PACRGL: variants seen among roughly 807,000 people sequenced by gnomAD.
PACRGL encodes the protein parkin coregulated like, also known as PACRG-like protein.
Under a neutral mutation model 34.5 loss-of-function variants are expected in PACRGL, and 38 were observed. The observed-to-expected ratio is 1.10, with a 90% CI of 0.85 to 1.44. The LOEUF (loss-of-function observed/expected upper bound fraction) is 1.44, where lower values mean the gene tolerates loss of function less well. Among genes scored for constraint, PACRGL ranks in the 40% most tolerant of loss-of-function variants. The pLI, the probability that PACRGL is intolerant of heterozygous loss-of-function variation, is 0.00. For missense variants in PACRGL, 305 were observed against 281.4 expected, an observed-to-expected ratio of 1.08 and a Z score of -0.60; for synonymous variants, 128 against 100.1, an observed-to-expected ratio of 1.28 and a Z score of -1.66.
intron 6 of PACRGL, 45 bp from the exon 7 acceptor site, chr4:20,713,387 C>A: frequency 1.4e-6 from 2 of 1,446,694 alleles, no homozygotes; most frequent in Non-Finnish European, 1.9e-6. Context: ...CTTTTCTCCT[C>A]TCTTCCCTGA....
At chr4:20,726,686 G>T (rs926534303) in intron 8 of PACRGL, among the ~76,000 whole-genome samples, 1 of 152,034 alleles carries the variant, frequency 6.6e-6, no homozygotes, top group East Asian at 1.9e-4. Context: ...ATCAATGATG[G>T]AACTATTCAA....
intron 5 of PACRGL, 150 bp downstream of exon 5, chr4:20,709,923 T>C: frequency 1.7e-6 from 1 of 586,606 alleles, no homozygotes; most frequent in Non-Finnish European, 3.0e-6. Flanking sequence ...CCCTTAGGAA[T>C]GAATTATGAT....
intron 3 of PACRGL, among the ~76,000 whole-genome samples, chr4:20,707,224 C>A (rs1734910104): frequency 6.6e-6 from 1 of 152,112 alleles, no homozygotes. Context: ...TCCCTTAAAT[C>A]ATCTTTAAGA....
intron 8 of PACRGL, among the ~76,000 whole-genome samples, chr4:20,739,257 G>T (rs1385478919): frequency 6.6e-6 from 1 of 152,200 alleles, no homozygotes; most frequent in Non-Finnish European, 1.5e-5. Context: ...TGGAGTTTGA[G>T]ATCTGAGAAC....
intron 8 of PACRGL, among the ~76,000 whole-genome samples, chr4:20,739,681 C>T (rs567435060): frequency 6.6e-6 from 1 of 152,130 alleles, no homozygotes; most frequent in African/African-American, 2.4e-5. Context: ...ATCAGAGAAC[C>T]TCTTCTCCAA....
chr4:20,738,278 C>G (rs572667220), intron 8 of PACRGL, among the ~76,000 whole-genome samples: 62 of 152,200 alleles, frequency 4.1e-4, no homozygotes, highest in Non-Finnish European at 7.2e-4. Flanking sequence ...TTTAAAAATT[C>G]ACAGCGTAGT....
chr4:20,761,462 C>T, the PACRGL span, among the ~76,000 whole-genome samples: 2 of 152,176 alleles, frequency 1.3e-5, no homozygotes, highest in African/African-American at 2.4e-5. Context: ...AGACTAAACA[C>T]TTTGCAGTTA....
chr4:20,764,529 C>T, the PACRGL span, among the ~76,000 whole-genome samples: 1 of 152,102 alleles, frequency 6.6e-6, no homozygotes, highest in African/African-American at 2.4e-5. Context: ...GAAGGAGAAT[C>T]GTAAGACCAA....
intron 8 of PACRGL, among the ~76,000 whole-genome samples, chr4:20,727,012 C>G (rs948356275): frequency 6.6e-6 from 1 of 151,982 alleles, no homozygotes; most frequent in African/African-American, 2.4e-5. Flanking sequence ...AGTAATTAGT[C>G]CAGGTTTGAC....
intron 4 of PACRGL, among the ~76,000 whole-genome samples, chr4:20,709,144 AAAAG>A (rs1446063245): frequency 1.3e-5 from 2 of 152,128 alleles, no homozygotes; most frequent in African/African-American, 4.8e-5. Context: ...CGTCTCAAAA[AAAAG>A]CAGTTAAAAG....
chr4:20,711,130 C>T (rs1736976110), intron 5 of PACRGL, among the ~76,000 whole-genome samples: 1 of 151,746 alleles, frequency 6.6e-6, no homozygotes, highest in African/African-American at 2.4e-5. Context: ...TTTTTTAAAC[C>T]TTAAGCCTTT....
rs916827009 is a variant in PACRGL, at chr4:20,728,457, C to T, written c.*1116C>T. 2 of 152,172 alleles carry T rather than the reference C, an allele frequency of 1.3e-5. No individual in the cohort carries two copies. Among genetic ancestry groups the T allele is most frequent in the Non-Finnish European group, 2.9e-5 (2 of 68,028 alleles). The allele number at this position is 152,172 out of a possible 1,614,324, so 9.4% of individuals were successfully genotyped here. ...ATTTTGATGTAATAGAAGCAATTCC[C>T]TCTGGCTACAACAGCTGCCTGCCTG... On this transcript the variant is annotated 3_prime_UTR_variant, in exon 9 of 9. Transcript: ENST00000503585.
Position 20,729,471 on chromosome 4 carries a change from C to CATTTTTAAATGTTTAA in PACRGL, c.*2130_*2131insATTTTTAAATGTTTAA, listed in dbSNP as rs1553881566. 6.6e-6 allele frequency: 1 copy of CATTTTTAAATGTTTAA among 151,228 alleles called. No individual in the cohort carries two copies. The highest frequency in any genetic ancestry group is 1.5e-5 in the Non-Finnish European group (1 of 67,852). The allele number at this position is 151,228 out of a possible 1,614,324, so 9.4% of individuals were successfully genotyped here. A position where few individuals can be genotyped will look rare whatever the true frequency, so the allele number is the denominator to read the frequency against. On this transcript the variant is annotated 3_prime_UTR_variant, in exon 9 of 9. Coordinates refer to ENST00000503585, the MANE Select transcript of PACRGL (RefSeq NM_001258345.3). ...GCATATGCTGATATCTGATAATAAA[C>CATTTTTAAATGTTTAA]TAATTTTTAAATGTTTAATAATTTT...
the PACRGL span, among the ~76,000 whole-genome samples, chr4:20,757,939 T>A: frequency 6.6e-6 from 1 of 152,212 alleles, no homozygotes; most frequent in Non-Finnish European, 1.5e-5. Context: ...ATGCCAGCAC[T>A]GTGCTCTCAG....
intron 1 of PACRGL, chr4:20,702,313 T>G (rs1216819979): frequency 4.8e-6 from 2 of 416,904 alleles, no homozygotes; most frequent in Non-Finnish European, 9.7e-6. Context: ...TGTGCATCGC[T>G]TTTATCTGTT....
intron 8 of PACRGL, among the ~76,000 whole-genome samples, chr4:20,745,061 A>G (rs962762405): frequency 6.6e-6 from 1 of 152,170 alleles, no homozygotes; most frequent in Non-Finnish European, 1.5e-5. Flanking sequence ...GAATGGTAGG[A>G]CAGAGATGTG....
chr4:20,712,979 G>A, intron 6 of PACRGL, 57 bp downstream of exon 6: 3 of 1,412,492 alleles, frequency 2.1e-6, no homozygotes, highest in South Asian at 1.7e-5. Context: ...AAAGAAAGCT[G>A]TAATATATTT....
Position 20,732,135 on chromosome 4 carries a change from T to G in PACRGL, c.*4794T>G, listed in dbSNP as rs1748440417. On this transcript the variant is annotated 3_prime_UTR_variant, in exon 9 of 9. Transcript: ENST00000503585. ...TTAATACCCTCACACCTGGACCAAATGAGCTGAAGCTGATAAAAAGAAAAC... is the reference window on the plus strand; with the variant it reads ...TTAATACCCTCACACCTGGACCAAAGGAGCTGAAGCTGATAAAAAGAAAAC... 1 of 1,086,564 alleles carries G rather than the reference T, an allele frequency of 9.2e-7. No individual in the cohort carries two copies. The highest frequency in any genetic ancestry group is 1.6e-5 in the African/African-American group (1 of 63,748). The allele number at this position is 1,086,564 out of a possible 1,614,324, so 67.3% of individuals were successfully genotyped here. A position where few individuals can be genotyped will look rare whatever the true frequency, so the allele number is the denominator to read the frequency against.
the PACRGL span, among the ~76,000 whole-genome samples, chr4:20,763,145 C>G: frequency 6.6e-6 from 1 of 152,092 alleles, no homozygotes. Context: ...GGGTAGGGCA[C>G]AAAGCATAAC....
Sources: allele counts gnomAD v4.1 joint callset (sites outside exome capture counted in the v4.1 genomes callset), GRCh38; gene constraint gnomAD v4.1.1; transcripts MANE v1.5; gene names NCBI Gene and HGNC (gene_info 2026-07-23, HGNC 2026-07-21).